The following DCC variants were observed in gnomAD, a reference collection of about 807,000 sequenced individuals.
The protein encoded by DCC is netrin receptor DCC.
Under a neutral mutation model 172.5 loss-of-function variants are expected in DCC, and 58 were observed. The observed-to-expected ratio is 0.34, with a 90% CI of 0.27 to 0.42. The LOEUF (loss-of-function observed/expected upper bound fraction) is 0.42. DCC is among the 10% of genes least tolerant of loss of function. The pLI is 1.00. For missense variants in DCC, 1,740 were observed against 1,791.0 expected (o/e 0.97, Z 0.51); for synonymous variants, 709 against 644.5 (o/e 1.10, Z -1.52).
chr18:53,479,851 A>G (rs2145205897), intron 25 of DCC, among the ~76,000 whole-genome samples: 1 of 152,302 alleles, frequency 6.6e-6, no homozygotes, highest in East Asian at 1.9e-4. Flanking sequence ...AAAATGGACC[A>G]TTTCTTAAAC....
chr18:53,397,035 C>A (rs1908994184), intron 17 of DCC, among the ~76,000 whole-genome samples: 1 of 151,292 alleles, frequency 6.6e-6, no homozygotes, highest in Admixed American at 6.6e-5. Flanking sequence ...CCTATTAGAC[C>A]TTTCAACATA....
intron 1 of DCC, among the ~76,000 whole-genome samples, chr18:52,409,681 C>T (rs1397770276): frequency 6.6e-6 from 1 of 152,112 alleles, no homozygotes; most frequent in Non-Finnish European, 1.5e-5. Flanking sequence ...TTTTGACTAA[C>T]AGTTTCTGGA....
intron 7 of DCC, among the ~76,000 whole-genome samples, chr18:53,152,453 A>G (rs2054656071): frequency 6.6e-6 from 1 of 152,212 alleles, no homozygotes; most frequent in African/African-American, 2.4e-5. Context: ...AGGCTATTGC[A>G]GGGGACCTAA....
At chr18:52,366,246 CG>C (rs1178824222) in intron 1 of DCC, among the ~76,000 whole-genome samples, 14 of 152,198 alleles carry the variant, frequency 9.2e-5, no homozygotes, top group African/African-American at 3.4e-4. Context: ...AATGAAGCCA[CG>C]GACCCTCGCG....
chr18:52,700,904 A>G (rs1341680706), intron 1 of DCC, among the ~76,000 whole-genome samples: 1 of 152,226 alleles, frequency 6.6e-6, no homozygotes, highest in African/African-American at 2.4e-5. Flanking sequence ...GTTGACTAGC[A>G]TTGCAAGTAC....
Position 52,740,432 on chromosome 18 carries a change from C to T in DCC, c.92-11622C>T, listed in dbSNP as rs141483822. Among the ~76,000 whole-genome samples, 3 of 152,234 alleles carry T rather than the reference C, an allele frequency of 2.0e-5. No homozygotes were observed. In the East Asian group the frequency reaches 5.8e-4, roughly 29 times the overall value. On this transcript the variant is annotated intron_variant, in intron 1 of 28. Transcript: ENST00000442544. ...AATATCATGACAAAATGAATGACAG[C>T]ATTTTAATGAAAATCGCTATTTGGC...
At chr18:52,929,615 A>G (rs1053859479) in intron 5 of DCC, among the ~76,000 whole-genome samples, 12 of 152,108 alleles carry the variant, frequency 7.9e-5, no homozygotes, top group African/African-American at 1.9e-4. Context: ...AGTGTACTCA[A>G]TATCGGGTAT....
At chr18:53,168,747 C>G in intron 8 of DCC, among the ~76,000 whole-genome samples, 1 of 151,944 alleles carries the variant, frequency 6.6e-6, no homozygotes, top group East Asian at 1.9e-4. Flanking sequence ...AAAGGAAAAG[C>G]AAAATAAGAA....
At chr18:53,060,248 G>A (rs1488353885) in intron 5 of DCC, among the ~76,000 whole-genome samples, 1 of 152,054 alleles carries the variant, frequency 6.6e-6, no homozygotes, top group Admixed American at 6.6e-5. Flanking sequence ...TGGCCAGGCT[G>A]GTCTTGAACT....
chr18:53,319,546 A>T (rs1268234660), intron 13 of DCC, among the ~76,000 whole-genome samples: 1 of 152,256 alleles, frequency 6.6e-6, no homozygotes, highest in Non-Finnish European at 1.5e-5. Context: ...TTGTTAGCAG[A>T]CTTTGCTTTG....
intron 12 of DCC, among the ~76,000 whole-genome samples, chr18:53,261,516 G>A (rs1289160321): frequency 6.6e-6 from 1 of 152,026 alleles, no homozygotes; most frequent in East Asian, 1.9e-4. Flanking sequence ...TAATCTGATA[G>A]GCTCACTGTT....
intron 15 of DCC, among the ~76,000 whole-genome samples, chr18:53,348,474 A>C (rs923424208): frequency 3.3e-5 from 5 of 152,072 alleles, no homozygotes; most frequent in African/African-American, 1.2e-4. Flanking sequence ...GGCTTTTCCA[A>C]ATGCACACTA....
chr18:52,526,355 C>T (rs1433370968), intron 1 of DCC, among the ~76,000 whole-genome samples: 1 of 152,084 alleles, frequency 6.6e-6, no homozygotes, highest in African/African-American at 2.4e-5. Flanking sequence ...TTCAGTGTTC[C>T]CAACAAAATC....
At chr18:52,396,997 A>G (rs544420131) in intron 1 of DCC, among the ~76,000 whole-genome samples, 1 of 152,166 alleles carries the variant, frequency 6.6e-6, no homozygotes, top group Non-Finnish European at 1.5e-5. Flanking sequence ...ATATTAATAA[A>G]TGTTTCTGTG....
chr18:53,334,478 A>G (rs903728951), intron 14 of DCC, among the ~76,000 whole-genome samples: 4 of 152,332 alleles, frequency 2.6e-5, no homozygotes, highest in East Asian at 1.9e-4. Context: ...GTTCAGTGGC[A>G]TTAAGCACAT....
At chr18:52,911,691 G>T (rs1490353990) in intron 3 of DCC, among the ~76,000 whole-genome samples, 1 of 151,322 alleles carries the variant, frequency 6.6e-6, no homozygotes, top group Non-Finnish European at 1.5e-5. Flanking sequence ...CAGCACATTA[G>T]GTTAATGCAT....
At chr18:53,472,884 G>A (rs910450912) in intron 25 of DCC, among the ~76,000 whole-genome samples, 1 of 152,124 alleles carries the variant, frequency 6.6e-6, no homozygotes, top group Non-Finnish European at 1.5e-5. Context: ...AACGTTTTTA[G>A]CATATCATAT....
intron 2 of DCC, among the ~76,000 whole-genome samples, chr18:52,784,934 G>GGAGAGA (rs59734988): frequency 4.2e-5 from 6 of 141,446 alleles, no homozygotes; most frequent in South Asian, 4.8e-4. Flanking sequence ...AGAGAAGGGG[G>GGAGAGA]GAGAGAGAGA....
intron 2 of DCC, among the ~76,000 whole-genome samples, chr18:52,785,502 T>G (rs902317646): frequency 6.6e-6 from 1 of 152,046 alleles, no homozygotes; most frequent in East Asian, 1.9e-4. Context: ...TGACAACTTT[T>G]TCTGGCTACT....
Sources: gnomAD v4.1 joint callset for allele counts (sites outside exome capture counted in the v4.1 genomes callset) on GRCh38, gnomAD v4.1.1 for gene constraint, MANE v1.5 for transcripts, NCBI Gene and HGNC (gene_info 2026-07-23, HGNC 2026-07-21) for gene names.